UBE2D3: variants seen among roughly 807,000 people sequenced by gnomAD.
The protein encoded by UBE2D3 is ubiquitin conjugating enzyme E2 D3.
A neutral mutation model predicts 22.8 loss-of-function variants in UBE2D3; 2 were observed. The observed-to-expected ratio is 0.09, with a 90% CI of 0.04 to 0.28. UBE2D3 has a LOEUF of 0.28. UBE2D3 is among the 10% of genes least tolerant of loss of function. The pLI, the probability that UBE2D3 is intolerant of heterozygous loss-of-function variation, is 1.00. For missense variants in UBE2D3, 27 were observed against 182.5 expected, an observed-to-expected ratio of 0.15 and a Z score of 4.91; for synonymous variants, 56 against 60.4, an observed-to-expected ratio of 0.93 and a Z score of 0.34.
intron 1 of UBE2D3, among the ~76,000 whole-genome samples, chr4:102,833,450 A>G (rs1331050314): frequency 6.6e-6 from 1 of 152,212 alleles, no homozygotes; most frequent in East Asian, 1.9e-4. Flanking sequence ...CTAAAATCAC[A>G]TGGCAGTACT....
chr4:102,827,055 C>A, intron 1 of UBE2D3: 1 of 989,846 alleles, frequency 1.0e-6, no homozygotes, highest in Non-Finnish European at 1.2e-6. Context: ...AAGGTGCGGC[C>A]GGGAAAAGGA....
intron 1 of UBE2D3, among the ~76,000 whole-genome samples, chr4:102,837,554 G>A (rs1229643189): frequency 6.6e-6 from 1 of 152,220 alleles, no homozygotes; most frequent in African/African-American, 2.4e-5. Context: ...CAGGTGCAAT[G>A]GCTCATGCCT....
chr4:102,845,589 A>G (rs148394082), intron 1 of UBE2D3, among the ~76,000 whole-genome samples: 176 of 152,232 alleles, frequency 1.2e-3, no homozygotes, highest in African/African-American at 4.2e-3. Flanking sequence ...AGATGCTTCA[A>G]ATTTTACTAC....
intron 2 of UBE2D3, chr4:102,811,860 G>GAA: frequency 2.6e-6 from 1 of 386,918 alleles, no homozygotes; most frequent in Non-Finnish European, 4.9e-6. Flanking sequence ...TCCATAAAAA[G>GAA]AAAAAAAAAT....
intron 1 of UBE2D3, among the ~76,000 whole-genome samples, chr4:102,850,300 T>C (rs549346068): frequency 1.3e-5 from 2 of 152,340 alleles, no homozygotes; most frequent in East Asian, 1.9e-4. Context: ...TCCTGGGTGC[T>C]GGATACAGGG....
At chr4:102,805,400 T>G (rs531010270) in intron 4 of UBE2D3, among the ~76,000 whole-genome samples, 2 of 152,246 alleles carry the variant, frequency 1.3e-5, no homozygotes, top group South Asian at 4.2e-4. Context: ...TATGTTAGAT[T>G]TTTTCAGAAA....
intron 2 of UBE2D3, chr4:102,812,687 C>T (rs753654573): frequency 2.0e-5 from 3 of 152,120 alleles, no homozygotes; most frequent in South Asian, 2.1e-4. Flanking sequence ...AATGGAGCTG[C>T]TATTTTTATT....
intron 1 of UBE2D3, among the ~76,000 whole-genome samples, chr4:102,853,078 C>G (rs540749381): frequency 1.3e-5 from 2 of 150,674 alleles, no homozygotes; most frequent in South Asian, 4.2e-4. Context: ...TCTGTTTATA[C>G]AGCACCTATG....
chr4:102,808,674 A>T (rs1426125865), intron 4 of UBE2D3, among the ~76,000 whole-genome samples: 1 of 152,154 alleles, frequency 6.6e-6, no homozygotes, highest in Non-Finnish European at 1.5e-5. Flanking sequence ...TGTTTTAGGT[A>T]TCTGTCTCCT....
intron 2 of UBE2D3, among the ~76,000 whole-genome samples, chr4:102,813,415 C>T (rs1321534373): frequency 6.6e-6 from 1 of 152,162 alleles, no homozygotes; most frequent in Non-Finnish European, 1.5e-5. Context: ...TGTTGATTGA[C>T]TCCATGTGGG....
chr4:102,816,344 T>C (rs1210485198), intron 2 of UBE2D3, among the ~76,000 whole-genome samples: 10 of 152,232 alleles, frequency 6.6e-5, no homozygotes, highest in Non-Finnish European at 5.9e-5. Context: ...ATGTGACCCA[T>C]AGCTGTTGAC....
At chr4:102,817,531 T>A (rs981856834) in intron 2 of UBE2D3, among the ~76,000 whole-genome samples, 2 of 152,120 alleles carry the variant, frequency 1.3e-5, no homozygotes, top group African/African-American at 4.8e-5. Flanking sequence ...ACTTAAAAAT[T>A]TGGACTAGGG....
At chr4:102,827,355 CTGCCCCTCTTA>C in intron 1 of UBE2D3, 61 bp downstream of exon 1, 1 of 983,854 alleles carries the variant, frequency 1.0e-6, no homozygotes, top group Non-Finnish European at 1.2e-6. Context: ...AGGTCCCGCA[CTGCCCCTCTTA>C]CCCGGCCGGC....
At chr4:102,802,793 T>C (rs1726404338) in intron 4 of UBE2D3, 155 bp from the exon 5 acceptor site, 2 of 474,468 alleles carry the variant, frequency 4.2e-6, no homozygotes, top group South Asian at 5.5e-5. Context: ...TCTATAGTAA[T>C]AGAAAAAAAC....
intron 1 of UBE2D3, among the ~76,000 whole-genome samples, chr4:102,853,126 A>AAC (rs1177221763): frequency 5.8e-5 from 8 of 138,680 alleles, no homozygotes; most frequent in Non-Finnish European, 1.2e-4. Context: ...ATTACACACA[A>AAC]ACACACACAT....
intron 2 of UBE2D3, among the ~76,000 whole-genome samples, chr4:102,821,523 G>A (rs998817080): frequency 6.6e-6 from 1 of 152,098 alleles, no homozygotes; most frequent in Non-Finnish European, 1.5e-5. Context: ...TCAGAGAGGA[G>A]CTTCAGAATC....
chr4:102,826,703 C>T lies in UBE2D3; in HGVS notation c.-128-67G>A, dbSNP rs183126075. ...GAAGAGCCCCTGATGAATCCAGGTC[C>T]CTTAAGACAGCCGCGATCCGGGGTG... On this transcript the variant is annotated intron_variant, in intron 1 of 7. Transcript: ENST00000453744. 47 of 1,453,562 alleles carry T rather than the reference C, an allele frequency of 3.2e-5. No individual in the cohort carries two copies. The African/African-American group carries it at 6.6e-4, about 20-fold the overall frequency. 90.0% of individuals were successfully genotyped at this position (1,453,562 alleles called of 1,614,324 possible). A position where few individuals can be genotyped will look rare whatever the true frequency, so the allele number is the denominator to read the frequency against.
chr4:102,828,053 C>T (rs1442453075), upstream of UBE2D3: 1 of 985,468 alleles, frequency 1.0e-6, no homozygotes, highest in East Asian at 1.1e-4. Flanking sequence ...CGGGGTTCCG[C>T]CTCCAAAATG....
upstream of UBE2D3, chr4:102,827,682 C>A: frequency 1.0e-6 from 1 of 985,956 alleles, no homozygotes; most frequent in African/African-American, 1.7e-5. Context: ...CTTCCCACGT[C>A]CGGGGCCGAG....
Sources: gnomAD v4.1 joint callset for allele counts (sites outside exome capture counted in the v4.1 genomes callset) on GRCh38, gnomAD v4.1.1 for gene constraint, MANE v1.5 for transcripts, NCBI Gene and HGNC (gene_info 2026-07-23, HGNC 2026-07-21) for gene names.